CRTC1: variants seen among roughly 807,000 people sequenced by gnomAD.
CRTC1 encodes CREB-regulated transcription coactivator 1.
In CRTC1, 18 loss-of-function variants were observed where a neutral mutation model predicts 66.1. That is an observed-to-expected ratio of 0.27 (90% CI 0.19 to 0.40). CRTC1 has a LOEUF of 0.40. Ranked by LOEUF, CRTC1 falls within the 10% of genes least tolerant of loss-of-function variation. The pLI is 1.00. For missense variants in CRTC1, 669 were observed against 887.9 expected, an observed-to-expected ratio of 0.75 and a Z score of 3.13; for synonymous variants, 416 against 398.8, an observed-to-expected ratio of 1.04 and a Z score of -0.51.
intron 1 of CRTC1, among the ~76,000 whole-genome samples, chr19:18,728,336 C>CA (rs1175212918): frequency 6.6e-6 from 1 of 152,168 alleles, no homozygotes; most frequent in African/African-American, 2.4e-5. Context: ...CAGGCCTCTT[C>CA]AGCTTCAATC....
chr19:18,748,606 G>A (rs140951325), intron 4 of CRTC1, among the ~76,000 whole-genome samples: 8 of 148,366 alleles, frequency 5.4e-5, no homozygotes, highest in African/African-American at 2.0e-4. Context: ...AGGCCGAGGC[G>A]GGTGGATCAC....
At chr19:18,716,124 C>T (rs1269113500) in intron 1 of CRTC1, among the ~76,000 whole-genome samples, 1 of 152,136 alleles carries the variant, frequency 6.6e-6, no homozygotes, top group Non-Finnish European at 1.5e-5. Context: ...CTGCCCAGTG[C>T]CCCGCCCTGG....
chr19:18,684,241 C>T (rs1290692225), intron 1 of CRTC1, among the ~76,000 whole-genome samples: 2 of 151,894 alleles, frequency 1.3e-5, no homozygotes, highest in Non-Finnish European at 2.9e-5. Flanking sequence ...TCATTGCTAC[C>T]TGGGGGGGCA....
At chr19:18,727,580 C>CAAAAAAAAAAAAAAAAAA (rs60907638) in intron 1 of CRTC1, among the ~76,000 whole-genome samples, 5 of 51,790 alleles carry the variant, frequency 9.7e-5, no homozygotes, top group African/African-American at 1.7e-4. Context: ...GACTCTGTCT[C>CAAAAAAAAAAAAAAAAAA]AAAAAAAAAA....
At chr19:18,749,944 G>A in intron 5 of CRTC1, 69 bp downstream of exon 5, 1 of 1,253,404 alleles carries the variant, frequency 8.0e-7, no homozygotes, top group Non-Finnish European at 1.2e-6. Context: ...CTGTTCTCCA[G>A]GAGGTCACAA....
intron 1 of CRTC1, among the ~76,000 whole-genome samples, chr19:18,727,580 CAAAAAAA>C (rs60907638): frequency 1.9e-5 from 1 of 51,814 alleles, no homozygotes. Context: ...GACTCTGTCT[CAAAAAAA>C]AAAAAAAAAA....
chr19:18,724,135 C>T (rs1038285182), intron 1 of CRTC1, among the ~76,000 whole-genome samples: 9 of 152,118 alleles, frequency 5.9e-5, no homozygotes, highest in South Asian at 2.1e-4. Context: ...ACCGGCGGGG[C>T]GGACAGGCTC....
chr19:18,749,073 G>A (rs1439808814), intron 4 of CRTC1, among the ~76,000 whole-genome samples: 3 of 152,110 alleles, frequency 2.0e-5, no homozygotes, highest in Non-Finnish European at 4.4e-5. Context: ...CACTCTTGAG[G>A]CACCTGCAGC....
Position 18,760,233 on chromosome 19 carries a change from G to T in CRTC1, c.886+5G>T. 6.3e-7 allele frequency: 1 copy of T among 1,586,982 alleles called. No homozygotes were observed. Among genetic ancestry groups the T allele is most frequent in the Non-Finnish European group, 8.6e-7 (1 of 1,167,720 alleles). ...GCATCGGTGGCGCCGGCCAGGGTAA[G>T]GCAGGGACACTCCGCCCTCGGACAG... On this transcript the variant is annotated splice_donor_5th_base_variant and intron_variant, in intron 8 of 13. Transcript: ENST00000321949. This position sits in a 1 kb window ranked among gnomAD's most constrained non-coding sequence, Gnocchi z 6.2.
intron 1 of CRTC1, among the ~76,000 whole-genome samples, chr19:18,726,929 GAA>G (rs57708407): frequency 5.4e-4 from 60 of 111,896 alleles, no homozygotes; most frequent in African/African-American, 1.4e-3. Context: ...CCGTCTTGGG[GAA>G]AAAAAAAAAA....
At chr19:18,758,692 A>T (rs2054547380) in intron 6 of CRTC1, among the ~76,000 whole-genome samples, 1 of 152,200 alleles carries the variant, frequency 6.6e-6, no homozygotes, top group Admixed American at 6.5e-5. Context: ...GGTCAGCCCC[A>T]AGACAGGGGC....
At chr19:18,716,948 A>G (rs544398873) in intron 1 of CRTC1, among the ~76,000 whole-genome samples, 3 of 152,052 alleles carry the variant, frequency 2.0e-5, no homozygotes, top group African/African-American at 7.2e-5. Context: ...TGTGTGTGCA[A>G]GTGAGTGGGA....
chr19:18,705,957 C>G (rs1364117191), intron 1 of CRTC1, among the ~76,000 whole-genome samples: 1 of 139,916 alleles, frequency 7.1e-6, no homozygotes, highest in East Asian at 2.0e-4. Flanking sequence ...TCCTTTTCCT[C>G]TCTCTCTCTC....
At chr19:18,740,769 C>T (rs753161096) in intron 1 of CRTC1, among the ~76,000 whole-genome samples, 1 of 151,920 alleles carries the variant, frequency 6.6e-6, no homozygotes, top group African/African-American at 2.4e-5. Flanking sequence ...TTTGGGAGGC[C>T]GAGGCGGGTG....
chr19:18,771,367 G>A lies in CRTC1; in HGVS notation c.1321-75G>A, dbSNP rs761413118. 1.1e-5 allele frequency: 15 copies of A among 1,313,118 alleles called. No individual in the cohort carries two copies. The highest frequency in any genetic ancestry group is 1.6e-5 in the Non-Finnish European group (15 of 947,756). 81.3% of individuals were successfully genotyped at this position (1,313,118 alleles called of 1,614,324 possible). A position where few individuals can be genotyped will look rare whatever the true frequency, so the allele number is the denominator to read the frequency against. ...GACCTGCCTGGGGGCTGATCAGGCT[G>A]CTCCCGGGAAGCAGGGACTGGAGCC... On this transcript the variant is annotated intron_variant, in intron 10 of 13. Coordinates refer to ENST00000321949, the MANE Select transcript of CRTC1 (RefSeq NM_015321.3). The surrounding 1 kb of genome is among the most constrained non-coding windows in gnomAD (Gnocchi z 4.6).
chr19:18,769,237 G>A (rs1413486066), intron 10 of CRTC1, among the ~76,000 whole-genome samples: 1 of 152,218 alleles, frequency 6.6e-6, no homozygotes, highest in Non-Finnish European at 1.5e-5. Flanking sequence ...ACAGCGCCTG[G>A]GGCCCAGGGC....
chr19:18,765,274 G>A (rs912098777), intron 8 of CRTC1, 130 bp from the exon 9 acceptor site: 2 of 1,356,892 alleles, frequency 1.5e-6, no homozygotes, highest in Admixed American at 4.8e-5. Flanking sequence ...TTTGGCAGTT[G>A]GGACATGTCC....
chr19:18,713,698 C>T (rs955152774), intron 1 of CRTC1, among the ~76,000 whole-genome samples: 4 of 152,244 alleles, frequency 2.6e-5, no homozygotes, highest in African/African-American at 9.6e-5. Flanking sequence ...GGCTGGGATT[C>T]CTGCCCAGGT....
intron 6 of CRTC1, among the ~76,000 whole-genome samples, chr19:18,758,074 C>T (rs1016447508): frequency 5.4e-5 from 8 of 147,630 alleles, no homozygotes; most frequent in African/African-American, 1.2e-4. Flanking sequence ...TTTTAAAAGG[C>T]GGAAGAGGCC....
Sources: gnomAD v4.1 joint callset for allele counts (sites outside exome capture counted in the v4.1 genomes callset) on GRCh38, gnomAD v4.1.1 for gene constraint, Gnocchi (gnomAD v3.1) non-coding constraint, MANE v1.5 for transcripts, NCBI Gene and HGNC (gene_info 2026-07-23, HGNC 2026-07-21) for gene names.